The following ANK3 variants were observed in gnomAD, a reference collection of about 807,000 sequenced individuals.
The protein encoded by ANK3 is ankyrin 3.
In ANK3, 57 loss-of-function variants were observed where a neutral mutation model predicts 370.9. The observed-to-expected ratio is 0.15, with a 90% CI of 0.12 to 0.19. The LOEUF (loss-of-function observed/expected upper bound fraction) is 0.19, where lower values mean the gene tolerates loss of function less well. Among genes scored for constraint, ANK3 ranks in the 10% least tolerant of loss-of-function variants. ANK3 has a pLI of 1.00. For synonymous variants in ANK3, 1,929 were observed against 1,946.3 expected (o/e 0.99, Z 0.23); for missense variants, 4,439 against 5,302.1 (o/e 0.84, Z 5.06).
At chr10:60,489,168 C>G (rs1016600844) in intron 2 of ANK3, among the ~76,000 whole-genome samples, 1 of 152,110 alleles carries the variant, frequency 6.6e-6, no homozygotes, top group Non-Finnish European at 1.5e-5. Flanking sequence ...AATAGTACTT[C>G]AAAGCAAAAT....
At chr10:60,350,140 C>A (rs7089563) in intron 1 of ANK3, among the ~76,000 whole-genome samples, 106,194 of 152,092 alleles carry the variant, frequency 0.7, 38,342 homozygotes, top group South Asian at 0.92. Context: ...GAAATTTACA[C>A]TCTAGGAGGG....
chr10:60,668,722 G>A (rs528846548), intron 1 of ANK3, among the ~76,000 whole-genome samples: 2 of 152,200 alleles, frequency 1.3e-5, no homozygotes, highest in South Asian at 2.1e-4. Context: ...GACCAAGCAC[G>A]GTGGCTCACA....
intron 1 of ANK3, among the ~76,000 whole-genome samples, chr10:60,376,221 G>A (rs940358561): frequency 1.3e-5 from 2 of 152,150 alleles, no homozygotes; most frequent in Non-Finnish European, 2.9e-5. Flanking sequence ...ATTCCTGGTA[G>A]CACTTTAAAA....
intron 2 of ANK3, among the ~76,000 whole-genome samples, chr10:60,610,962 A>G (rs1567178508): frequency 1.3e-5 from 2 of 152,208 alleles, no homozygotes; most frequent in Non-Finnish European, 2.9e-5. Flanking sequence ...ATTCTAAGCT[A>G]GTGGGCTCGA....
At chr10:60,628,854 A>T (rs2078444826) in intron 1 of ANK3, among the ~76,000 whole-genome samples, 1 of 152,220 alleles carries the variant, frequency 6.6e-6, no homozygotes, top group South Asian at 2.1e-4. Context: ...ATTTGTAGAC[A>T]ATTGACATGA....
intron 43 of ANK3, among the ~76,000 whole-genome samples, chr10:60,033,471 G>C (rs10821658): frequency 0.52 from 74,269 of 143,670 alleles, 20,224 homozygotes; most frequent in Non-Finnish European, 0.63. Flanking sequence ...GCTGAAATCG[G>C]GCCATCACAC....
chr10:60,559,238 T>C (rs2077279788), intron 2 of ANK3, among the ~76,000 whole-genome samples: 2 of 152,178 alleles, frequency 1.3e-5, no homozygotes, highest in Non-Finnish European at 2.9e-5. Flanking sequence ...CTGTACCCAT[T>C]GTATAGTCTT....
chr10:60,040,290 C>CA (rs2075855256), intron 43 of ANK3, among the ~76,000 whole-genome samples: 1 of 142,118 alleles, frequency 7.0e-6, no homozygotes, highest in Admixed American at 7.0e-5. Flanking sequence ...GCTTAGTTTT[C>CA]TTTTTTTTTT....
chr10:60,181,457 G>T, intron 17 of ANK3, 30 bp from the exon 18 acceptor site: 1 of 1,587,900 alleles, frequency 6.3e-7, no homozygotes, highest in Non-Finnish European at 8.7e-7. Flanking sequence ...CACAGTCATC[G>T]TACAGGAAGG....
At chr10:60,129,989 A>T (rs1401478447) in intron 25 of ANK3, among the ~76,000 whole-genome samples, 1 of 152,222 alleles carries the variant, frequency 6.6e-6, no homozygotes, top group Non-Finnish European at 1.5e-5. Flanking sequence ...TTATAAATAC[A>T]GAGTTAGAGG....
intron 7 of ANK3, among the ~76,000 whole-genome samples, chr10:60,253,914 C>A (rs553599231): frequency 6.6e-6 from 1 of 152,098 alleles, no homozygotes; most frequent in African/African-American, 2.4e-5. Flanking sequence ...AAAAAGTCTG[C>A]TATAAGTGGT....
chr10:60,260,779 G>A (rs1024185752), intron 7 of ANK3, among the ~76,000 whole-genome samples: 6 of 151,960 alleles, frequency 3.9e-5, no homozygotes, highest in Admixed American at 1.3e-4. Context: ...TCCCTGCTTC[G>A]CCTCCTGCCA....
At chr10:60,172,760 T>G (rs1285109199) in intron 20 of ANK3, 140 bp downstream of exon 20, 8 of 630,022 alleles carry the variant, frequency 1.3e-5, no homozygotes, top group Non-Finnish European at 2.0e-5. Context: ...AACAATATGG[T>G]TATTGTCCTT....
chr10:60,447,080 T>C (rs748583231), intron 2 of ANK3, among the ~76,000 whole-genome samples: 1 of 152,182 alleles, frequency 6.6e-6, no homozygotes, highest in African/African-American at 2.4e-5. Flanking sequence ...AGCACTCTCC[T>C]AGTGCCAACT....
rs372734784 is a variant in ANK3 at position 60,074,060 on chromosome 10, T to C, written c.6821A>G (p.His2274Arg). 3 of 1,614,124 alleles carry C rather than the reference T, an allele frequency of 1.9e-6. No homozygotes were observed. The highest frequency in any genetic ancestry group is 1.3e-5 in the African/African-American group (1 of 75,050). ...SERIEETMSVHDIMKAFQSGR... is the reference protein window; with the variant it reads ...SERIEETMSVRDIMKAFQSGR... ...GGACTGAAAGGCCTTCATGATGTCA[T>C]GGACTGACATGGTTTCTTCAATTCT... The change falls in exon 37 of 44, where the codon CAT becomes CGT. Residue 2274 changes from histidine (H) to arginine (R), a missense_variant. Physicochemically the swap from His to Arg is conservative, Grantham distance 29. Coordinates refer to ENST00000280772, the MANE Select transcript of ANK3 (RefSeq NM_020987.5).
At chr10:60,543,591 A>G (rs1055860842) in intron 2 of ANK3, among the ~76,000 whole-genome samples, 1 of 152,040 alleles carries the variant, frequency 6.6e-6, no homozygotes, top group African/African-American at 2.4e-5. Context: ...AAGGGAATTG[A>G]CAACAGTGAT....
intron 1 of ANK3, among the ~76,000 whole-genome samples, chr10:60,644,295 T>A (rs765186384): frequency 6.6e-6 from 1 of 152,128 alleles, no homozygotes; most frequent in African/African-American, 2.4e-5. Context: ...CCAATAAATA[T>A]ACAAGGTAGA....
At chr10:60,571,498 T>A (rs576270305) in intron 2 of ANK3, among the ~76,000 whole-genome samples, 13 of 152,356 alleles carry the variant, frequency 8.5e-5, no homozygotes, top group African/African-American at 2.9e-4. Context: ...AAGGAAGCAT[T>A]TTAAAGAGGT....
intron 2 of ANK3, among the ~76,000 whole-genome samples, chr10:60,451,584 C>A (rs948025164): frequency 2.0e-5 from 3 of 152,200 alleles, no homozygotes; most frequent in Non-Finnish European, 4.4e-5. Flanking sequence ...TCACTTCCTA[C>A]CCAGAACACA....
Sources: allele counts gnomAD v4.1 joint callset (sites outside exome capture counted in the v4.1 genomes callset), GRCh38; gene constraint gnomAD v4.1.1; transcripts MANE v1.5; gene names NCBI Gene and HGNC (gene_info 2026-07-23, HGNC 2026-07-21).